The following ERC1 variants were observed in gnomAD, a reference collection of about 807,000 sequenced individuals.
The protein encoded by ERC1 is ELKS/RAB6-interacting/CAST family member 1.
A neutral mutation model predicts 132.0 loss-of-function variants in ERC1; 56 were observed. That is an observed-to-expected ratio of 0.42 (90% CI 0.34 to 0.53). ERC1 has a LOEUF of 0.53. Among genes scored for constraint, ERC1 ranks in the 20% least tolerant of loss-of-function variants. The probability of loss-of-function intolerance (pLI) is 0.03; values close to 1 mark genes in which losing one functional copy is unlikely to be tolerated. For missense variants in ERC1, 1,202 were observed against 1,349.9 expected (o/e 0.89, Z 1.72); for synonymous variants, 478 against 476.1 (o/e 1.00, Z -0.05).
chr12:1,280,094 T>C (rs756708480), intron 14 of ERC1, among the ~76,000 whole-genome samples: 6 of 152,218 alleles, frequency 3.9e-5, no homozygotes, highest in Non-Finnish European at 8.8e-5. Flanking sequence ...CCAAGGGATA[T>C]ATCGTTCGCT....
At chr12:1,328,368 C>T (rs1388519177) in intron 15 of ERC1, among the ~76,000 whole-genome samples, 2 of 151,474 alleles carry the variant, frequency 1.3e-5, no homozygotes, top group Non-Finnish European at 2.9e-5. Flanking sequence ...GGTCTCAAAC[C>T]CCTGAGCTCA....
chr12:1,333,195 A>G (rs1169104689), intron 15 of ERC1, among the ~76,000 whole-genome samples: 1 of 151,842 alleles, frequency 6.6e-6, no homozygotes, highest in Admixed American at 6.6e-5. Context: ...AAGTGCGAAC[A>G]TGTGGTATTT....
At chr12:1,438,121 A>G (rs1435534080) in intron 17 of ERC1, among the ~76,000 whole-genome samples, 3 of 152,222 alleles carry the variant, frequency 2.0e-5, no homozygotes, top group African/African-American at 7.2e-5. Flanking sequence ...TTCTTTCACA[A>G]AATAGCTGTG....
chr12:1,475,512 C>T (rs188451601), intron 18 of ERC1, among the ~76,000 whole-genome samples: 1 of 152,048 alleles, frequency 6.6e-6, no homozygotes, highest in Non-Finnish European at 1.5e-5. Context: ...GGGGCTCAAC[C>T]GTGAAGGATA....
At chr12:1,320,367 G>A (rs1158766064) in intron 15 of ERC1, among the ~76,000 whole-genome samples, 1 of 152,146 alleles carries the variant, frequency 6.6e-6, no homozygotes, top group East Asian at 1.9e-4. Context: ...GTTAGGTGTA[G>A]TGGATACTAT....
chr12:1,277,876 G>C (rs1166231390), intron 14 of ERC1, among the ~76,000 whole-genome samples: 1 of 152,188 alleles, frequency 6.6e-6, no homozygotes, highest in Non-Finnish European at 1.5e-5. Flanking sequence ...AGGTACCTAA[G>C]AGATATGACA....
Position 1,137,925 on chromosome 12 carries a change from ATAT to A in ERC1, c.1570-3691_1570-3689del, listed in dbSNP as rs1054603116. Reference sequence around the variant, plus strand: ...ATTATTTATATGTATTATATAATACATATTATATAATATATAATATATTTATAT... The same window carrying A: ...ATTATTTATATGTATTATATAATACATATATAATATATAATATATTTATAT... On this transcript the variant is annotated intron_variant, in intron 7 of 18. Transcript: ENST00000360905. Among the ~76,000 whole-genome samples, 47 of 139,182 alleles carry A rather than the reference ATAT, an allele frequency of 3.4e-4. 1 individual carries two copies. In the Middle Eastern group the frequency reaches 0.011, roughly 33 times the overall value. The allele number at this position is 139,182 out of a possible 152,430, so 91.3% of individuals were successfully genotyped here.
chr12:1,002,662 G>C (rs1962628241), intron 1 of ERC1, among the ~76,000 whole-genome samples: 1 of 151,996 alleles, frequency 6.6e-6, no homozygotes, highest in Non-Finnish European at 1.5e-5. Flanking sequence ...AGTTCATTTT[G>C]TTCCATATCT....
intron 15 of ERC1, among the ~76,000 whole-genome samples, chr12:1,356,212 AAGTGTGT>A (rs538875150): frequency 0.024 from 2,875 of 119,010 alleles, 91 homozygotes; most frequent in African/African-American, 0.091. Flanking sequence ...AAAAAAAAAA[AAGTGTGT>A]GTGTGTGTGT....
At chr12:1,165,351 G>T (rs1414625022) in intron 8 of ERC1, among the ~76,000 whole-genome samples, 1 of 151,808 alleles carries the variant, frequency 6.6e-6, no homozygotes, top group African/African-American at 2.4e-5. Context: ...TGTTGCCCCG[G>T]CTGGAGTGCA....
chr12:1,238,609 G>A (rs2075585786), intron 13 of ERC1, among the ~76,000 whole-genome samples: 1 of 152,000 alleles, frequency 6.6e-6, no homozygotes, highest in African/African-American at 2.4e-5. Flanking sequence ...TTGAACTATG[G>A]CCACATTGTT....
chr12:1,245,690 A>T (rs1235537710), intron 13 of ERC1, among the ~76,000 whole-genome samples: 1 of 152,212 alleles, frequency 6.6e-6, no homozygotes, highest in African/African-American at 2.4e-5. Flanking sequence ...GTGAAATGAA[A>T]ATGATACCTG....
chr12:1,470,289 C>T (rs916005718), intron 18 of ERC1, among the ~76,000 whole-genome samples: 97 of 152,050 alleles, frequency 6.4e-4, no homozygotes, highest in African/African-American at 2.1e-3. Flanking sequence ...GGGGAAACTT[C>T]CTTCTCTCTT....
chr12:1,280,187 G>A (rs1339453385), intron 14 of ERC1, among the ~76,000 whole-genome samples: 1 of 152,182 alleles, frequency 6.6e-6, no homozygotes, highest in Non-Finnish European at 1.5e-5. Context: ...GATCATAGAA[G>A]CAGTCATCCA....
At chr12:1,489,486 A>T (rs1315597754) in intron 18 of ERC1, among the ~76,000 whole-genome samples, 2 of 152,112 alleles carry the variant, frequency 1.3e-5, no homozygotes, top group Non-Finnish European at 2.9e-5. Flanking sequence ...AGCTTTCACC[A>T]CCCAGCACAG....
intron 8 of ERC1, among the ~76,000 whole-genome samples, chr12:1,147,279 G>A (rs564827701): frequency 1.8e-4 from 27 of 152,274 alleles, no homozygotes; most frequent in African/African-American, 5.8e-4. Context: ...ATGGCTTAAG[G>A]TATGTCCCTT....
intron 18 of ERC1, among the ~76,000 whole-genome samples, chr12:1,487,133 G>A (rs1548560): frequency 0.3 from 45,534 of 152,026 alleles, 7,748 homozygotes; most frequent in Middle Eastern, 0.39. Context: ...AGCTTTCCCC[G>A]TTGAAGAGAT....
chr12:1,292,821 G>A (rs756620388), intron 15 of ERC1, among the ~76,000 whole-genome samples: 2 of 151,936 alleles, frequency 1.3e-5, no homozygotes, highest in Non-Finnish European at 2.9e-5. Flanking sequence ...GACCAGCCTG[G>A]CCAACATGGT....
chr12:1,198,875 A>G (rs1008724077), intron 12 of ERC1, among the ~76,000 whole-genome samples: 2 of 152,128 alleles, frequency 1.3e-5, no homozygotes, highest in Non-Finnish European at 2.9e-5. Flanking sequence ...GTGCTAAACC[A>G]TGACAAACCA....
Sources: gnomAD v4.1 joint callset for allele counts (sites outside exome capture counted in the v4.1 genomes callset) on GRCh38, gnomAD v4.1.1 for gene constraint, MANE v1.5 for transcripts, NCBI Gene and HGNC (gene_info 2026-07-23, HGNC 2026-07-21) for gene names.